The following EXT1 variants were observed in gnomAD, a reference collection of about 807,000 sequenced individuals.
The protein encoded by EXT1 is exostosin-1.
EXT1 carries 20 observed loss-of-function variants against 82.5 expected under a neutral mutation model. That is an observed-to-expected ratio of 0.24 (90% CI 0.17 to 0.35). The LOEUF (loss-of-function observed/expected upper bound fraction) is 0.35, where lower values mean the gene tolerates loss of function less well. EXT1 is among the 10% of genes least tolerant of loss of function. The pLI is 1.00. For missense variants in EXT1, 757 were observed against 936.5 expected (o/e 0.81, Z 2.50); for synonymous variants, 348 against 350.8 (o/e 0.99, Z 0.09).
intron 8 of EXT1, among the ~76,000 whole-genome samples, chr8:117,812,362 T>C (rs541509963): frequency 6.6e-6 from 1 of 152,290 alleles, no homozygotes; most frequent in South Asian, 2.1e-4. Flanking sequence ...CATCACAACC[T>C]TGAAGTGAAA....
At chr8:117,902,697 G>T (rs1185182871) in intron 1 of EXT1, among the ~76,000 whole-genome samples, 4 of 152,218 alleles carry the variant, frequency 2.6e-5, no homozygotes, top group Non-Finnish European at 4.4e-5. Flanking sequence ...CCTGTGCAAA[G>T]AGGAAAGAGG....
At chr8:118,012,402 G>T (rs112573473) in intron 1 of EXT1, among the ~76,000 whole-genome samples, 1 of 152,072 alleles carries the variant, frequency 6.6e-6, no homozygotes, top group Non-Finnish European at 1.5e-5. Flanking sequence ...CTTTTTGTCC[G>T]GGAAGGTGAA....
intron 1 of EXT1, among the ~76,000 whole-genome samples, chr8:117,972,919 C>T (rs1241706240): frequency 6.6e-6 from 1 of 152,144 alleles, no homozygotes; most frequent in Non-Finnish European, 1.5e-5. Context: ...TCCCATGACA[C>T]ATGGGGATTA....
chr8:117,806,542 A>T (rs1254944128), intron 9 of EXT1, among the ~76,000 whole-genome samples: 1 of 151,706 alleles, frequency 6.6e-6, no homozygotes, highest in East Asian at 1.9e-4. Flanking sequence ...CACCCATTCC[A>T]CCCAGTCACA....
At chr8:117,963,814 G>T (rs1245363759) in intron 1 of EXT1, among the ~76,000 whole-genome samples, 3 of 151,988 alleles carry the variant, frequency 2.0e-5, no homozygotes, top group African/African-American at 7.2e-5. Context: ...TTGGGGTTTG[G>T]CACAACAGCA....
intron 1 of EXT1, among the ~76,000 whole-genome samples, chr8:117,949,391 A>G (rs764057208): frequency 2.6e-5 from 4 of 151,852 alleles, no homozygotes; most frequent in Non-Finnish European, 5.9e-5. Context: ...AAAAATAATA[A>G]TGGACCAGAG....
At chr8:118,082,347 C>G (rs1817347947) in intron 1 of EXT1, among the ~76,000 whole-genome samples, 1 of 152,166 alleles carries the variant, frequency 6.6e-6, no homozygotes, top group Non-Finnish European at 1.5e-5. Flanking sequence ...CACTATTGTC[C>G]TAAAAAGCAT....
At chr8:117,984,406 G>A (rs1458430853) in intron 1 of EXT1, among the ~76,000 whole-genome samples, 2 of 149,168 alleles carry the variant, frequency 1.3e-5, no homozygotes, top group Admixed American at 6.8e-5. Flanking sequence ...TCCAGCCTGG[G>A]TGATAGAGTG....
At chr8:118,015,625 C>T (rs1290291101) in intron 1 of EXT1, among the ~76,000 whole-genome samples, 1 of 152,082 alleles carries the variant, frequency 6.6e-6, no homozygotes, top group Non-Finnish European at 1.5e-5. Flanking sequence ...GGAAGGAACA[C>T]GGCAGAAGAG....
chr8:117,813,261 C>T (rs1823362713), intron 7 of EXT1, among the ~76,000 whole-genome samples: 1 of 152,096 alleles, frequency 6.6e-6, no homozygotes, highest in Non-Finnish European at 1.5e-5. Context: ...AAGCAGATGA[C>T]CAGTCTTTGC....
At chr8:117,835,387 T>C in intron 3 of EXT1, 57 bp downstream of exon 3, 2 of 1,334,912 alleles carry the variant, frequency 1.5e-6, no homozygotes, top group South Asian at 1.2e-5. Context: ...CTTTGAAAGT[T>C]TGGACGGGGG....
intron 1 of EXT1, among the ~76,000 whole-genome samples, chr8:118,025,334 G>C (rs1427784334): frequency 1.3e-5 from 2 of 152,288 alleles, no homozygotes; most frequent in East Asian, 3.9e-4. Flanking sequence ...TTTGACCTCA[G>C]CCAAAGACCT....
intron 1 of EXT1, among the ~76,000 whole-genome samples, chr8:118,044,696 C>A (rs1016172523): frequency 6.6e-6 from 1 of 152,088 alleles, no homozygotes; most frequent in African/African-American, 2.4e-5. Flanking sequence ...TGTGAGCCAC[C>A]GTGCGCGGCT....
chr8:117,938,581 T>C (rs926429352), intron 1 of EXT1, among the ~76,000 whole-genome samples: 4 of 152,152 alleles, frequency 2.6e-5, no homozygotes, highest in Non-Finnish European at 5.9e-5. Flanking sequence ...CACTGGACAA[T>C]AAAGATAGAG....
At chr8:118,053,263 T>C (rs938793614) in intron 1 of EXT1, among the ~76,000 whole-genome samples, 3 of 152,134 alleles carry the variant, frequency 2.0e-5, no homozygotes, top group Non-Finnish European at 4.4e-5. Flanking sequence ...TGGTCTGTGG[T>C]GGTCGTTCAG....
chr8:117,921,833 AC>A (rs1813862932), intron 1 of EXT1, among the ~76,000 whole-genome samples: 1 of 152,158 alleles, frequency 6.6e-6, no homozygotes, highest in Non-Finnish European at 1.5e-5. Context: ...AAGCACATAG[AC>A]ACAATTATCC....
intron 1 of EXT1, among the ~76,000 whole-genome samples, chr8:118,091,856 T>C (rs540461499): frequency 6.6e-6 from 1 of 152,192 alleles, no homozygotes; most frequent in Non-Finnish European, 1.5e-5. Context: ...TACAAAAAAA[T>C]TAAGTAAATC....
intron 1 of EXT1, among the ~76,000 whole-genome samples, chr8:117,881,628 C>T (rs775116703): frequency 4.6e-5 from 7 of 152,122 alleles, no homozygotes; most frequent in African/African-American, 4.8e-5. Context: ...TTTGCGGCAA[C>T]GTAAAAACCA....
rs527800934 is a variant in EXT1 at position 117,831,214 on chromosome 8, T to C, written c.1165-865A>G. Among the ~76,000 whole-genome samples, 9 of 152,334 alleles carry C rather than the reference T, an allele frequency of 5.9e-5. No homozygotes were observed. In the East Asian group the frequency reaches 1.7e-3, roughly 29 times the overall value. On this transcript the variant is annotated intron_variant, in intron 3 of 10. Coordinates refer to ENST00000378204, the MANE Select transcript of EXT1 (RefSeq NM_000127.3). The stretch of plus-strand genomic sequence containing the variant: ...GAGTGTTGCCTCTAGCAGCATTTAC[T>C]ACCTGTGCTTTCTTGAATGAGTTAG...
Sources: gnomAD v4.1 joint callset for allele counts (sites outside exome capture counted in the v4.1 genomes callset) on GRCh38, gnomAD v4.1.1 for gene constraint, MANE v1.5 for transcripts, NCBI Gene and HGNC (gene_info 2026-07-23, HGNC 2026-07-21) for gene names.